The following GLIS3 variants were observed in gnomAD, a reference collection of about 807,000 sequenced individuals.
The protein encoded by GLIS3 is zinc finger protein GLIS3.
Under a neutral mutation model 78.6 loss-of-function variants are expected in GLIS3, and 53 were observed. The ratio of observed to expected loss-of-function variants is 0.67; its 90% CI spans 0.54 to 0.85. The LOEUF (loss-of-function observed/expected upper bound fraction) is 0.85, where lower values mean the gene tolerates loss of function less well. Ranked by LOEUF, GLIS3 falls within the 40% of genes least tolerant of loss-of-function variation. GLIS3 has a pLI of 0.00. For synonymous variants in GLIS3, 684 were observed against 509.9 expected, an observed-to-expected ratio of 1.34 and a Z score of -4.60; for missense variants, 1,703 against 1,231.1, an observed-to-expected ratio of 1.38 and a Z score of -5.74.
the GLIS3 span, among the ~76,000 whole-genome samples, chr9:4,432,479 G>C: frequency 2.6e-5 from 4 of 152,082 alleles, no homozygotes; most frequent in African/African-American, 7.2e-5. Flanking sequence ...GGTAAGTCTG[G>C]AAAGGTAAGA....
chr9:4,105,364 CAGCAGG>C (rs1830669723), intron 4 of GLIS3, among the ~76,000 whole-genome samples: 1 of 152,142 alleles, frequency 6.6e-6, no homozygotes, highest in Non-Finnish European at 1.5e-5. Context: ...TTGACAAGTG[CAGCAGG>C]AGCCTGTCAA....
chr9:4,396,772 T>TC, the GLIS3 span, among the ~76,000 whole-genome samples: 1 of 152,184 alleles, frequency 6.6e-6, no homozygotes, highest in South Asian at 2.1e-4. Flanking sequence ...GTTAGTCCTT[T>TC]CATGGAACCC....
At chr9:4,329,905 C>G (rs1051061326) in intron 2 of GLIS3, among the ~76,000 whole-genome samples, 1 of 152,136 alleles carries the variant, frequency 6.6e-6, no homozygotes, top group African/African-American at 2.4e-5. Context: ...GATGGGGACA[C>G]AGATGAATAA....
chr9:3,948,900 C>G (rs551263949), intron 4 of GLIS3, among the ~76,000 whole-genome samples: 1 of 152,140 alleles, frequency 6.6e-6, no homozygotes, highest in Non-Finnish European at 1.5e-5. Context: ...ATAAATGTTA[C>G]CCATTATCAT....
In GLIS3 at chr9:3,854,068, C is replaced by T. The variant is rs368732603; in HGVS notation, c.2473+1941G>A. Among the ~76,000 whole-genome samples the T allele has an allele frequency of 5.9e-5, 9 of 152,168 alleles. No individual in the cohort carries two copies. In the East Asian group the frequency reaches 1.2e-3, roughly 20 times the overall value. Reference sequence around the variant, plus strand: ...GTCTTAGAATCAATGGCCTACTCTACACTTCACATAGCCCACACTCAGGCT... The same window carrying T: ...GTCTTAGAATCAATGGCCTACTCTATACTTCACATAGCCCACACTCAGGCT... On this transcript the variant is annotated intron_variant, in intron 9 of 10. Transcript: ENST00000381971.
In GLIS3 at chr9:3,909,857, T is replaced by C. The variant is rs183076066; in HGVS notation, c.1984-11022A>G. Among the ~76,000 whole-genome samples the C allele has an allele frequency of 6.6e-5, 10 of 152,344 alleles. No individual in the cohort carries two copies. The East Asian group carries it at 1.2e-3, about 18-fold the overall frequency. On this transcript the variant is annotated intron_variant, in intron 6 of 10. Coordinates refer to ENST00000381971, the MANE Select transcript of GLIS3 (RefSeq NM_001042413.2). ...ATGGAAAGGTTCTGCACTGCACTAA[T>C]TGATAGCCACTAGCCATGTGTGACT... is the stretch of plus-strand genomic sequence containing the variant.
At chr9:4,037,730 A>T (rs550408189) in intron 4 of GLIS3, among the ~76,000 whole-genome samples, 1 of 152,342 alleles carries the variant, frequency 6.6e-6, no homozygotes, top group Non-Finnish European at 1.5e-5. Flanking sequence ...CTTGAATTTC[A>T]AACCTCAGAT....
the GLIS3 span, among the ~76,000 whole-genome samples, chr9:4,467,521 G>A: frequency 4.6e-5 from 7 of 152,296 alleles, no homozygotes; most frequent in South Asian, 2.1e-4. Context: ...GGCAAACAGC[G>A]TCTGCAGTGG....
the GLIS3 span, among the ~76,000 whole-genome samples, chr9:4,384,230 G>C: frequency 6.6e-6 from 1 of 152,130 alleles, no homozygotes; most frequent in East Asian, 1.9e-4. Flanking sequence ...ACCTTATAAG[G>C]GGTTTCCATC....
chr9:4,468,312 C>A, the GLIS3 span, among the ~76,000 whole-genome samples: 1 of 152,144 alleles, frequency 6.6e-6, no homozygotes, highest in Admixed American at 6.6e-5. Flanking sequence ...TTGAGAAGAG[C>A]AACTCCAAGA....
chr9:4,370,815 C>G, the GLIS3 span, among the ~76,000 whole-genome samples: 1 of 151,914 alleles, frequency 6.6e-6, no homozygotes, highest in Admixed American at 6.6e-5. Context: ...CAAAAGAAAA[C>G]AGCAGACCTG....
chr9:4,205,175 CAAAAAAAA>C (rs200420029), intron 2 of GLIS3, among the ~76,000 whole-genome samples: 12,453 of 124,832 alleles, frequency 0.1, 659 homozygotes, highest in East Asian at 0.26. Flanking sequence ...GAGACTCTGT[CAAAAAAAA>C]AAAAAAAAAA....
chr9:4,458,848 A>G, the GLIS3 span, among the ~76,000 whole-genome samples: 2 of 152,126 alleles, frequency 1.3e-5, no homozygotes, highest in African/African-American at 4.8e-5. Context: ...TATTTGATGA[A>G]ACAGCAAATA....
At chr9:3,866,859 T>G (rs1316386125) in intron 8 of GLIS3, among the ~76,000 whole-genome samples, 1 of 151,992 alleles carries the variant, frequency 6.6e-6, no homozygotes, top group Non-Finnish European at 1.5e-5. Context: ...GTGCCATGTG[T>G]GAGCTGGTGG....
At chr9:4,403,515 CAT>C in the GLIS3 span, among the ~76,000 whole-genome samples, 1 of 152,094 alleles carries the variant, frequency 6.6e-6, no homozygotes, top group Non-Finnish European at 1.5e-5. Flanking sequence ...CTTTTCAAGA[CAT>C]AGACAGCACA....
chr9:4,132,532 C>T (rs560299106), intron 2 of GLIS3, among the ~76,000 whole-genome samples: 4 of 152,092 alleles, frequency 2.6e-5, no homozygotes, highest in South Asian at 2.1e-4. Context: ...CTGGGAAGAG[C>T]GGAGAGAAGC....
intron 2 of GLIS3, among the ~76,000 whole-genome samples, chr9:4,127,821 C>T (rs1832688524): frequency 6.6e-6 from 1 of 152,170 alleles, no homozygotes; most frequent in Non-Finnish European, 1.5e-5. Context: ...CTCAGTCATT[C>T]CATGCCTATT....
chr9:4,422,586 G>C, the GLIS3 span, among the ~76,000 whole-genome samples: 1 of 152,170 alleles, frequency 6.6e-6, no homozygotes, highest in Non-Finnish European at 1.5e-5. Flanking sequence ...TATCTCTCCT[G>C]TGCTAGGTCC....
intron 4 of GLIS3, among the ~76,000 whole-genome samples, chr9:4,028,632 C>CA (rs1250659819): frequency 2.0e-5 from 3 of 152,258 alleles, no homozygotes; most frequent in Admixed American, 1.3e-4. Context: ...CCCTTGTGCC[C>CA]AATTCCAGCC....
Sources: gnomAD v4.1 joint callset for allele counts (sites outside exome capture counted in the v4.1 genomes callset) on GRCh38, gnomAD v4.1.1 for gene constraint, MANE v1.5 for transcripts, NCBI Gene and HGNC (gene_info 2026-07-23, HGNC 2026-07-21) for gene names.